SLC7A2: variants seen among roughly 807,000 people sequenced by gnomAD.
SLC7A2 encodes the protein cationic amino acid transporter 2.
Under a neutral mutation model 58.9 loss-of-function variants are expected in SLC7A2, and 48 were observed. The ratio of observed to expected loss-of-function variants is 0.82; its 90% CI spans 0.65 to 1.04. The LOEUF is 1.04. SLC7A2 is among the 50% of genes least tolerant of loss of function. The pLI, the probability that SLC7A2 is intolerant of heterozygous loss-of-function variation, is 0.00. For synonymous variants in SLC7A2, 363 were observed against 314.5 expected (o/e 1.15, Z -1.63); for missense variants, 1,029 against 818.8 (o/e 1.26, Z -3.13).
intron 8 of SLC7A2, 52 bp from the exon 9 acceptor site, chr8:17,558,243 T>C (rs1802800132): frequency 6.8e-6 from 8 of 1,174,070 alleles, no homozygotes; most frequent in Admixed American, 3.4e-5. Context: ...AGTAACTGTA[T>C]GGAATTTCCT....
intron 2 of SLC7A2, among the ~76,000 whole-genome samples, chr8:17,541,087 T>C (rs1206740937): frequency 6.6e-6 from 1 of 152,320 alleles, no homozygotes; most frequent in South Asian, 2.1e-4. Context: ...CAGTGGGTCT[T>C]TGTTTCTGAG....
Position 17,543,523 on chromosome 8 carries a change from G to C in SLC7A2, c.184G>C (p.Ala62Pro). Reference sequence around the variant, plus strand: ...TGTCCTCGCTGGGGAGGTGGCCAAGGCAGACTCGGGCCCCAGCATCGTGGT... The same window carrying C: ...TGTCCTCGCTGGGGAGGTGGCCAAGCCAGACTCGGGCCCCAGCATCGTGGT... ...VYVLAGEVAK[A>P]DSGPSIVVSF... The change falls in exon 3 of 13, where the codon GCA (alanine) becomes CCA (proline). Residue 62 changes from alanine to proline, a missense_variant. Physicochemically the swap from Ala to Pro is conservative, Grantham distance 27 (BLOSUM62 -1). Coordinates refer to ENST00000494857, the MANE Select transcript of SLC7A2 (RefSeq NM_001370338.1). 1.9e-6 allele frequency: 3 copies of C among 1,613,510 alleles called. No individual in the cohort carries two copies. Among genetic ancestry groups the C allele is most frequent in the Non-Finnish European group, 8.5e-7 (1 of 1,179,702 alleles).
chr8:17,508,762 T>C (rs1413807173), intron 2 of SLC7A2, among the ~76,000 whole-genome samples: 1 of 151,978 alleles, frequency 6.6e-6, no homozygotes, highest in East Asian at 1.9e-4. Context: ...GATAAATTGG[T>C]CAAGTGGCTG....
chr8:17,517,070 A>T (rs1459597948), intron 2 of SLC7A2, among the ~76,000 whole-genome samples: 1 of 152,216 alleles, frequency 6.6e-6, no homozygotes, highest in Non-Finnish European at 1.5e-5. Context: ...CGAAAAGTTC[A>T]AATGATGTAT....
rs1803242186 is a variant in SLC7A2, at chr8:17,565,865, T to C, written c.*719T>C. ...GCCACTAGTTGGCATCCTTTTGAACTTTTGTCTCCTTTGCAAACAGTGGTC... is the reference window on the plus strand; with the variant it reads ...GCCACTAGTTGGCATCCTTTTGAACCTTTGTCTCCTTTGCAAACAGTGGTC... On this transcript the variant is annotated 3_prime_UTR_variant, in exon 13 of 13. Coordinates refer to ENST00000494857, the MANE Select transcript of SLC7A2 (RefSeq NM_001370338.1). 1 of 152,244 alleles carries C rather than the reference T, an allele frequency of 6.6e-6. No homozygotes were observed. Among genetic ancestry groups the C allele is most frequent in the South Asian group, 2.1e-4 (1 of 4,832 alleles). 9.4% of individuals were successfully genotyped at this position (152,244 alleles called of 1,614,324 possible).
At chr8:17,533,062 G>A (rs957800218) in intron 2 of SLC7A2, among the ~76,000 whole-genome samples, 2 of 152,086 alleles carry the variant, frequency 1.3e-5, no homozygotes, top group South Asian at 4.1e-4. Flanking sequence ...TGGTTTGCAT[G>A]TTCTAGATAG....
intron 2 of SLC7A2, among the ~76,000 whole-genome samples, chr8:17,503,169 G>A (rs2150644786): frequency 6.6e-6 from 1 of 152,062 alleles, no homozygotes; most frequent in East Asian, 1.9e-4. Context: ...TCCTGCCTCA[G>A]CCTCCCGAGT....
intron 2 of SLC7A2, among the ~76,000 whole-genome samples, chr8:17,531,702 T>C (rs1232723407): frequency 6.6e-6 from 1 of 152,138 alleles, no homozygotes; most frequent in Non-Finnish European, 1.5e-5. Flanking sequence ...TAAGACTTTA[T>C]AGACTAATAT....
intron 2 of SLC7A2, among the ~76,000 whole-genome samples, chr8:17,503,681 ACT>A (rs1294865179): frequency 6.6e-6 from 1 of 152,156 alleles, no homozygotes; most frequent in Admixed American, 6.5e-5. Context: ...TCAAATGGAA[ACT>A]CTTCATGATA....
intron 2 of SLC7A2, among the ~76,000 whole-genome samples, chr8:17,518,155 C>A (rs1178207803): frequency 6.6e-6 from 1 of 151,510 alleles, no homozygotes; most frequent in Non-Finnish European, 1.5e-5. Context: ...AATCCCCTTT[C>A]CTTTGAATTA....
chr8:17,519,515 A>G (rs1800931925), intron 2 of SLC7A2, among the ~76,000 whole-genome samples: 1 of 152,180 alleles, frequency 6.6e-6, no homozygotes, highest in African/African-American at 2.4e-5. Flanking sequence ...AGCTTCCTGT[A>G]TCTGAATCCT....
rs1345458210 is a variant in SLC7A2, at chr8:17,569,917, G to A, written c.*4771G>A. Reference sequence around the variant, plus strand: ...TATAGAGTGTGAGCATCTATGTGTAGCTACCCTTGTTGGGTGGGCTCTTAG... The same window carrying A: ...TATAGAGTGTGAGCATCTATGTGTAACTACCCTTGTTGGGTGGGCTCTTAG... On this transcript the variant is annotated 3_prime_UTR_variant, in exon 13 of 13. Transcript: ENST00000494857. 1.3e-5 allele frequency: 2 copies of A among 152,178 alleles called. No homozygotes were observed. The highest frequency in any genetic ancestry group is 4.8e-5 in the African/African-American group (2 of 41,428). The allele number at this position is 152,178 out of a possible 1,614,324, so 9.4% of individuals were successfully genotyped here.
intron 1 of SLC7A2, among the ~76,000 whole-genome samples, chr8:17,497,529 C>T (rs7836145): frequency 1.3e-5 from 2 of 152,190 alleles, no homozygotes; most frequent in African/African-American, 4.8e-5. Flanking sequence ...GCAGCCGGCT[C>T]TGCCCGGGGA....
chr8:17,555,379 A>G (rs1254413033), intron 8 of SLC7A2, among the ~76,000 whole-genome samples: 1 of 152,162 alleles, frequency 6.6e-6, no homozygotes, highest in African/African-American at 2.4e-5. Context: ...AATATTATGA[A>G]TTGCTTTTCT....
intron 8 of SLC7A2, among the ~76,000 whole-genome samples, chr8:17,558,081 C>T (rs1358633328): frequency 6.6e-6 from 1 of 152,054 alleles, no homozygotes; most frequent in Non-Finnish European, 1.5e-5. Flanking sequence ...TGGATAGTTG[C>T]CAGAGAGCTG....
At chr8:17,541,104 T>C (rs1024326882) in intron 2 of SLC7A2, among the ~76,000 whole-genome samples, 1 of 152,218 alleles carries the variant, frequency 6.6e-6, no homozygotes, top group Non-Finnish European at 1.5e-5. Context: ...TGAGCACTTT[T>C]CAGTTGGCAG....
At chr8:17,534,156 G>A (rs554868062) in intron 2 of SLC7A2, among the ~76,000 whole-genome samples, 1 of 152,172 alleles carries the variant, frequency 6.6e-6, no homozygotes, top group East Asian at 1.9e-4. Flanking sequence ...TCTTTATCCT[G>A]TCTATTATTG....
chr8:17,568,704 C>T lies in SLC7A2; in HGVS notation c.*3558C>T, dbSNP rs985069363. The T allele has an allele frequency of 6.6e-6, 1 of 151,978 alleles. No individual in the cohort carries two copies. Among genetic ancestry groups the T allele is most frequent in the African/African-American group, 2.4e-5 (1 of 41,354 alleles). 9.4% of individuals were successfully genotyped at this position (151,978 alleles called of 1,614,324 possible). A position where few individuals can be genotyped will look rare whatever the true frequency, so the allele number is the denominator to read the frequency against. ...GCCAGGCATGGTGGCTCGCTCACAC[C>T]TATAATCCTAGGATCTTGGGAGGTC... On this transcript the variant is annotated 3_prime_UTR_variant, in exon 13 of 13. Transcript: ENST00000494857.
At chr8:17,560,593 G>C (rs1802925434) in intron 10 of SLC7A2, 60 bp downstream of exon 10, 1 of 1,410,148 alleles carries the variant, frequency 7.1e-7, no homozygotes, top group South Asian at 1.2e-5. Flanking sequence ...AGTAGAGCTG[G>C]CATGATATGA....
Sources: allele counts gnomAD v4.1 joint callset (sites outside exome capture counted in the v4.1 genomes callset), GRCh38; gene constraint gnomAD v4.1.1; transcripts MANE v1.5; gene names NCBI Gene and HGNC (gene_info 2026-07-23, HGNC 2026-07-21).